ASIC2: variants seen among roughly 807,000 people sequenced by gnomAD.
ASIC2 encodes acid sensing ion channel subunit 2, also known as acid-sensing ion channel 2.
ASIC2 carries 25 observed loss-of-function variants against 57.3 expected under a neutral mutation model. The observed-to-expected ratio is 0.44, with a 90% CI of 0.32 to 0.61. The LOEUF is 0.61. ASIC2 is among the 20% of genes least tolerant of loss of function. The pLI, the probability that ASIC2 is intolerant of heterozygous loss-of-function variation, is 0.06. For missense variants in ASIC2, 641 were observed against 738.1 expected (o/e 0.87, Z 1.52); for synonymous variants, 319 against 307.5 (o/e 1.04, Z -0.39).
At chr17:33,043,569 C>T (rs1447299090) in intron 3 of ASIC2, among the ~76,000 whole-genome samples, 2 of 152,144 alleles carry the variant, frequency 1.3e-5, no homozygotes, top group Non-Finnish European at 2.9e-5. Flanking sequence ...TAAACACTGC[C>T]ATTTGATTGA....
chr17:33,792,413 G>C (rs1380969546), intron 1 of ASIC2: 1 of 152,198 alleles, frequency 6.6e-6, no homozygotes, highest in East Asian at 1.9e-4. Context: ...CATTGGGGGT[G>C]GTGGAGGGGG....
chr17:33,346,134 C>A (rs1244934087), intron 1 of ASIC2, among the ~76,000 whole-genome samples: 2 of 146,162 alleles, frequency 1.4e-5, no homozygotes, highest in Non-Finnish European at 3.0e-5. Context: ...GGCTGAGGCA[C>A]TAGAATTGCT....
intron 1 of ASIC2, among the ~76,000 whole-genome samples, chr17:33,261,118 A>C (rs1909263692): frequency 6.6e-6 from 1 of 152,196 alleles, no homozygotes; most frequent in South Asian, 2.1e-4. Flanking sequence ...TCCATTTGCC[A>C]CCCAAATAGT....
At chr17:34,000,384 T>C (rs28814404) in intron 1 of ASIC2, among the ~76,000 whole-genome samples, 14,589 of 151,862 alleles carry the variant, frequency 0.096, 2,050 homozygotes, top group African/African-American at 0.31. Flanking sequence ...CTCAAGTAGC[T>C]GGGATTACAG....
At position 34,097,355 on chromosome 17, in the gene ASIC2, T is replaced by C. The variant is rs1409393472; in HGVS notation, c.555+58623A>G. Among the ~76,000 whole-genome samples the C allele has an allele frequency of 1.1e-4, 16 of 149,126 alleles. No homozygotes were observed. In the Admixed American group the frequency reaches 1.1e-3, roughly 10 times the overall value. On this transcript the variant is annotated intron_variant, in intron 1 of 9. Transcript: ENST00000359872. ...TAGTTTGGGTTGGCATAAATAGGAGTGGAGGGGGTGGGAGAGAAGAAGATG... is the reference window on the plus strand; with the variant it reads ...TAGTTTGGGTTGGCATAAATAGGAGCGGAGGGGGTGGGAGAGAAGAAGATG...
At position 33,155,580 on chromosome 17, in the gene ASIC2, A is replaced by T. The variant is rs543214075; in HGVS notation, c.709-43513T>A. ...TCTTTCTTTCTTTTTTTTTTTTTTG[A>T]GACGATGTCTAGCTCTGTCGCCAGG... On this transcript the variant is annotated intron_variant, in intron 1 of 9. Coordinates refer to ENST00000225823, the MANE Select transcript of ASIC2 (RefSeq NM_183377.2). 1.8e-3 allele frequency among the ~76,000 whole-genome samples: 124 copies of T among 67,414 alleles called. 1 individual carries two copies. The highest frequency in any genetic ancestry group is 7.3e-3 in the African/African-American group (117 of 15,984). 44.2% of individuals were successfully genotyped at this position (67,414 alleles called of 152,430 possible). A position where few individuals can be genotyped will look rare whatever the true frequency, so the allele number is the denominator to read the frequency against.
intron 1 of ASIC2, among the ~76,000 whole-genome samples, chr17:33,367,628 G>A (rs2141936096): frequency 6.6e-6 from 1 of 152,258 alleles, no homozygotes. Context: ...TTCTAATTCT[G>A]TTGTGAGCAA....
rs140599369 is a variant in ASIC2 at position 33,319,795 on chromosome 17, A to G, written c.556-207728T>C. On this transcript the variant is annotated intron_variant, in intron 1 of 9. Transcript: ENST00000359872. ...GCAATTTACCCTCCTCGGCCTCCCA[A>G]AGTGCTGGGATTAGAGGCATGAGCC... Among the ~76,000 whole-genome samples, 577 of 152,282 alleles carry G rather than the reference A, an allele frequency of 3.8e-3. 6 individuals carry two copies. The highest frequency in any genetic ancestry group is 0.013 in the African/African-American group (554 of 41,550).
At chr17:33,349,057 CTT>C (rs952442652) in intron 1 of ASIC2, among the ~76,000 whole-genome samples, 40 of 152,290 alleles carry the variant, frequency 2.6e-4, no homozygotes, top group African/African-American at 8.7e-4. Context: ...GGGTGACACT[CTT>C]ATTACTGATC....
chr17:33,112,241 C>A (rs926818437), intron 1 of ASIC2, 174 bp from the exon 2 acceptor site: 5 of 872,558 alleles, frequency 5.7e-6, no homozygotes, highest in Non-Finnish European at 8.3e-6. Context: ...TGACTTGTAC[C>A]AAGTGAAATT....
intron 1 of ASIC2, among the ~76,000 whole-genome samples, chr17:34,122,394 G>A (rs1328030914): frequency 1.3e-5 from 2 of 152,230 alleles, no homozygotes; most frequent in Non-Finnish European, 2.9e-5. Context: ...TCATGTCAAA[G>A]TCTCGCAATT....
At chr17:34,038,762 T>G in intron 1 of ASIC2, 1 of 1,611,344 alleles carries the variant, frequency 6.2e-7, no homozygotes, top group Non-Finnish European at 8.5e-7. Flanking sequence ...CGTTTCATTT[T>G]CAGCTCCATT....
At chr17:33,760,322 T>C (rs1910742788) in intron 1 of ASIC2, among the ~76,000 whole-genome samples, 1 of 152,094 alleles carries the variant, frequency 6.6e-6, no homozygotes, top group Admixed American at 6.5e-5. Flanking sequence ...GTTTTTATTT[T>C]ATTACTCATT....
At chr17:34,080,123 T>C (rs1032905118) in intron 1 of ASIC2, among the ~76,000 whole-genome samples, 3 of 152,344 alleles carry the variant, frequency 2.0e-5, no homozygotes, top group Middle Eastern at 3.4e-3. Context: ...CCTAGCTTTC[T>C]GTAATATGCA....
chr17:34,039,693 C>T, intron 1 of ASIC2: 1 of 1,612,386 alleles, frequency 6.2e-7, no homozygotes, highest in Non-Finnish European at 8.5e-7. Flanking sequence ...TCCGATTTCG[C>T]TGGTCATTCT....
chr17:33,577,595 G>A (rs1336800594), intron 1 of ASIC2, among the ~76,000 whole-genome samples: 1 of 152,118 alleles, frequency 6.6e-6, no homozygotes, highest in African/African-American at 2.4e-5. Context: ...TATGGCCCTG[G>A]AATGAGCATT....
At chr17:33,402,542 G>T (rs971997682) in intron 1 of ASIC2, among the ~76,000 whole-genome samples, 1 of 152,060 alleles carries the variant, frequency 6.6e-6, no homozygotes, top group African/African-American at 2.4e-5. Context: ...GTGGTGTTTT[G>T]TTTTCTGTTC....
At chr17:33,362,264 C>T (rs1281730878) in intron 1 of ASIC2, among the ~76,000 whole-genome samples, 1 of 152,110 alleles carries the variant, frequency 6.6e-6, no homozygotes, top group Non-Finnish European at 1.5e-5. Context: ...AAGGTTTTTG[C>T]TTGAAATTAT....
chr17:33,056,090 G>T (rs961155830), intron 3 of ASIC2, among the ~76,000 whole-genome samples: 10 of 152,210 alleles, frequency 6.6e-5, no homozygotes, highest in African/African-American at 2.4e-4. Flanking sequence ...TGACAGAAGG[G>T]AAAACTGAGA....
Sources: allele counts gnomAD v4.1 joint callset (sites outside exome capture counted in the v4.1 genomes callset), GRCh38; gene constraint gnomAD v4.1.1; transcripts MANE v1.5; gene names NCBI Gene and HGNC (gene_info 2026-07-23, HGNC 2026-07-21).